STK3: variants seen among roughly 807,000 people sequenced by gnomAD.
STK3 encodes the protein serine/threonine kinase 3.
STK3 carries 41 observed loss-of-function variants against 58.0 expected under a neutral mutation model. The ratio of observed to expected loss-of-function variants is 0.71; its 90% CI spans 0.55 to 0.92. The LOEUF is 0.92. Ranked by LOEUF, STK3 falls within the 40% of genes least tolerant of loss-of-function variation. The probability of loss-of-function intolerance (pLI) is 0.00; values close to 1 mark genes in which losing one functional copy is unlikely to be tolerated. For synonymous variants in STK3, 170 were observed against 191.0 expected, an observed-to-expected ratio of 0.89 and a Z score of 0.91; for missense variants, 479 against 602.7, an observed-to-expected ratio of 0.79 and a Z score of 2.15.
chr8:98,478,051 C>T (rs954109372), intron 10 of STK3, among the ~76,000 whole-genome samples: 20 of 152,140 alleles, frequency 1.3e-4, no homozygotes, highest in African/African-American at 4.8e-4. Flanking sequence ...TGAATTCAGA[C>T]AGACCCCTGG....
At chr8:98,697,755 GC>G (rs1309387786) in intron 6 of STK3, among the ~76,000 whole-genome samples, 1 of 152,158 alleles carries the variant, frequency 6.6e-6, no homozygotes, top group African/African-American at 2.4e-5. Flanking sequence ...TTTTACATTT[GC>G]TGAGGAGAGC....
At chr8:98,399,097 C>T (rs778516470), downstream of STK3, among the ~76,000 whole-genome samples, 2 of 152,142 alleles carry the variant, frequency 1.3e-5, no homozygotes, top group Non-Finnish European at 2.9e-5. Context: ...GAACAAATCA[C>T]CAGTCCATCA....
At chr8:98,755,681 T>G (rs1044897884) in intron 3 of STK3, among the ~76,000 whole-genome samples, 3 of 152,210 alleles carry the variant, frequency 2.0e-5, no homozygotes, top group African/African-American at 7.2e-5. Context: ...CTCTGACACT[T>G]TCTAAGTCAG....
At chr8:98,873,998 G>A (rs936720036) in intron 3 of STK3, among the ~76,000 whole-genome samples, 1 of 152,116 alleles carries the variant, frequency 6.6e-6, no homozygotes, top group Non-Finnish European at 1.5e-5. Flanking sequence ...TCCTTTCCAT[G>A]TTTAGTGCTT....
In STK3 at chr8:98,655,392, A is replaced by G. The variant is rs530509608; in HGVS notation, c.684+51075T>C. 1.8e-3 allele frequency among the ~76,000 whole-genome samples: 278 copies of G among 152,296 alleles called. 1 individual carries two copies. Among genetic ancestry groups the G allele is most frequent in the African/African-American group, 6.3e-3 (263 of 41,552 alleles). On this transcript the variant is annotated intron_variant, in intron 6 of 10. Transcript: ENST00000419617. ...AAAACCAGAAAAACCCTAGAAGAAA[A>G]CCTAGGCATTACCATTCAGGACATA...
intron 10 of STK3, among the ~76,000 whole-genome samples, chr8:98,463,990 C>A (rs1465787416): frequency 6.6e-6 from 1 of 152,064 alleles, no homozygotes; most frequent in East Asian, 1.9e-4. Flanking sequence ...TCAAGAGAAT[C>A]CTAAGGTTTG....
At chr8:98,940,017 GC>G (rs1264277283) in intron 1 of STK3, among the ~76,000 whole-genome samples, 1 of 152,244 alleles carries the variant, frequency 6.6e-6, no homozygotes, top group Admixed American at 6.5e-5. Flanking sequence ...GGGATCATGG[GC>G]GTTAGCCTGG....
intron 1 of STK3, among the ~76,000 whole-genome samples, chr8:98,791,486 G>A (rs193098603): frequency 5.5e-4 from 84 of 152,046 alleles, no homozygotes; most frequent in African/African-American, 1.9e-3. Context: ...AACTCATATG[G>A]AACCAAAAAA....
intron 3 of STK3, among the ~76,000 whole-genome samples, chr8:98,843,419 A>T (rs1836072231): frequency 6.6e-6 from 1 of 152,122 alleles, no homozygotes; most frequent in South Asian, 2.1e-4. Context: ...TTGTTTATTC[A>T]CTTGTTTTAT....
chr8:98,679,247 T>C (rs1463594530), intron 6 of STK3, among the ~76,000 whole-genome samples: 1 of 152,220 alleles, frequency 6.6e-6, no homozygotes, highest in East Asian at 1.9e-4. Flanking sequence ...TAAGCACTGA[T>C]TGTGACCTTC....
At chr8:98,730,788 G>T (rs1374644029) in intron 4 of STK3, among the ~76,000 whole-genome samples, 2 of 151,776 alleles carry the variant, frequency 1.3e-5, no homozygotes, top group Admixed American at 1.3e-4. Context: ...CTGGATGCTG[G>T]GTACTCTTGA....
intron 3 of STK3, among the ~76,000 whole-genome samples, chr8:98,836,540 G>T (rs897436766): frequency 6.6e-6 from 1 of 152,160 alleles, no homozygotes; most frequent in African/African-American, 2.4e-5. Flanking sequence ...TTCTTTAGAG[G>T]TGTCTTTGCT....
At chr8:98,900,747 C>T (rs1838626458) in intron 1 of STK3, among the ~76,000 whole-genome samples, 1 of 151,474 alleles carries the variant, frequency 6.6e-6, no homozygotes, top group Admixed American at 6.6e-5. Flanking sequence ...CTGCAACCTC[C>T]CCCCACTGGG....
chr8:98,777,137 T>C (rs1166546746), intron 1 of STK3, among the ~76,000 whole-genome samples: 1 of 152,138 alleles, frequency 6.6e-6, no homozygotes, highest in East Asian at 1.9e-4. Context: ...AAAAAATACC[T>C]TCAGAGTCTG....
intron 6 of STK3, among the ~76,000 whole-genome samples, chr8:98,691,760 C>T (rs151120944): frequency 0.013 from 1,978 of 151,934 alleles, 45 homozygotes; most frequent in African/African-American, 0.045. Flanking sequence ...GGTGAAACCC[C>T]GTCTCTACTA....
chr8:98,482,993 T>C (rs1052637872), intron 10 of STK3, among the ~76,000 whole-genome samples: 36 of 152,132 alleles, frequency 2.4e-4, no homozygotes, highest in African/African-American at 8.0e-4. Context: ...TGATTATTAG[T>C]GAGAGAGAAC....
chr8:98,532,634 T>G (rs1224329561), intron 9 of STK3, among the ~76,000 whole-genome samples: 1 of 152,172 alleles, frequency 6.6e-6, no homozygotes, highest in Non-Finnish European at 1.5e-5. Flanking sequence ...AGAATGTCTG[T>G]GAAGCACAAA....
Position 98,511,385 on chromosome 8 carries a change from T to C in STK3, c.1317+15357A>G, listed in dbSNP as rs369792945. 6.6e-5 allele frequency among the ~76,000 whole-genome samples: 10 copies of C among 152,126 alleles called. No individual in the cohort carries two copies. In the East Asian group the frequency reaches 1.7e-3, roughly 26 times the overall value. On this transcript the variant is annotated intron_variant, in intron 10 of 10. Transcript: ENST00000419617. Reference sequence around the variant, plus strand: ...ATTTGCATCTATTAAGGATTAAAAATATTAAATTTCTTTTTATTCTAAAAT... The same window carrying C: ...ATTTGCATCTATTAAGGATTAAAAACATTAAATTTCTTTTTATTCTAAAAT...
At chr8:98,713,898 C>A (rs1469047663) in intron 4 of STK3, among the ~76,000 whole-genome samples, 2 of 152,080 alleles carry the variant, frequency 1.3e-5, no homozygotes, top group Admixed American at 6.6e-5. Flanking sequence ...ACTGACAAAC[C>A]GAATCCAGCA....
Sources: allele counts gnomAD v4.1 joint callset (sites outside exome capture counted in the v4.1 genomes callset), GRCh38; gene constraint gnomAD v4.1.1; transcripts MANE v1.5; gene names NCBI Gene and HGNC (gene_info 2026-07-23, HGNC 2026-07-21).